Variants in CDH20 observed in about 807,000 individuals in gnomAD.
CDH20 encodes cadherin-20.
Under a neutral mutation model 74.2 loss-of-function variants are expected in CDH20, and 29 were observed. The ratio of observed to expected loss-of-function variants is 0.39; its 90% CI spans 0.29 to 0.53. The LOEUF is 0.53. Ranked by LOEUF, CDH20 falls within the 20% of genes least tolerant of loss-of-function variation. The pLI, the probability that CDH20 is intolerant of heterozygous loss-of-function variation, is 0.69. For synonymous variants in CDH20, 469 were observed against 405.4 expected (o/e 1.16, Z -1.88); for missense variants, 988 against 1,048.3 (o/e 0.94, Z 0.79).
rs1285306792 is a variant in CDH20 at position 61,490,586 on chromosome 18, G to A, written c.33G>A (p.Lys11=). The change falls in exon 2 of 12, where the codon AAG becomes AAA. Residue 11 remains lysine, a synonymous_variant. Coordinates refer to ENST00000262717, the MANE Select transcript of CDH20 (RefSeq NM_031891.4). The part of the protein sequence containing the change: MWTSGRMSNA[K]NWLGLGMSLY... ...CTTCTGGTAGAATGAGCAATGCAAAGAACTGGCTTGGACTTGGCATGTCCT... is the reference window on the plus strand; with the variant it reads ...CTTCTGGTAGAATGAGCAATGCAAAAAACTGGCTTGGACTTGGCATGTCCT... The A allele has an allele frequency of 4.3e-6, 7 of 1,614,020 alleles. No homozygotes were observed. Among genetic ancestry groups the A allele is most frequent in the Non-Finnish European group, 5.9e-6 (7 of 1,180,020 alleles).
At chr18:61,341,662 T>G (rs1408700574) in intron 1 of CDH20, among the ~76,000 whole-genome samples, 1 of 152,234 alleles carries the variant, frequency 6.6e-6, no homozygotes, top group African/African-American at 2.4e-5. Flanking sequence ...CTTGAGAGCA[T>G]GTGTCTTGTA....
intron 1 of CDH20, among the ~76,000 whole-genome samples, chr18:61,361,747 A>T (rs1054474932): frequency 2.0e-5 from 3 of 151,950 alleles, no homozygotes; most frequent in Admixed American, 6.6e-5. Flanking sequence ...CTTATTTAAA[A>T]TTTTTTTTCA....
At chr18:61,443,983 G>A (rs746095063) in intron 1 of CDH20, among the ~76,000 whole-genome samples, 161 of 152,052 alleles carry the variant, frequency 1.1e-3, no homozygotes, top group Admixed American at 1.6e-3. Context: ...GCACAGTGTC[G>A]GCAGGAAGTC....
chr18:61,456,716 T>A (rs1909582629), intron 1 of CDH20, among the ~76,000 whole-genome samples: 1 of 152,042 alleles, frequency 6.6e-6, no homozygotes, highest in African/African-American at 2.4e-5. Flanking sequence ...CAGTTCAGGC[T>A]TCTAACAGAA....
chr18:61,439,917 A>G (rs929097844), intron 1 of CDH20, among the ~76,000 whole-genome samples: 17 of 152,198 alleles, frequency 1.1e-4, no homozygotes, highest in Admixed American at 1.3e-4. Flanking sequence ...GGAAAACAAT[A>G]TACTACATTC....
rs537483843 is a variant in CDH20, at chr18:61,461,346, AAAC to A, written c.-152-29055_-152-29053del. 4.0e-3 allele frequency among the ~76,000 whole-genome samples: 591 copies of A among 148,152 alleles called. 5 individuals carry two copies. Among genetic ancestry groups the A allele is most frequent in the African/African-American group, 0.015 (564 of 38,600 alleles). ...GGTGACTTAAAAAAAAAAAAAAAAA[AAAC>A]CAGAAATTTATTTTCTCAGTTCTGG... On this transcript the variant is annotated intron_variant, in intron 1 of 11. Coordinates refer to ENST00000262717, the MANE Select transcript of CDH20 (RefSeq NM_031891.4).
At chr18:61,418,908 A>G (rs1448444665) in intron 1 of CDH20, among the ~76,000 whole-genome samples, 1 of 152,152 alleles carries the variant, frequency 6.6e-6, no homozygotes, top group Non-Finnish European at 1.5e-5. Flanking sequence ...TTTTTCCATA[A>G]ACCATAATAC....
At chr18:61,396,628 T>C (rs1599057512) in intron 1 of CDH20, among the ~76,000 whole-genome samples, 1 of 152,346 alleles carries the variant, frequency 6.6e-6, no homozygotes, top group East Asian at 1.9e-4. Context: ...AGGATGTGGA[T>C]ACACGCTGCA....
chr18:61,439,639 G>C (rs1467474179), intron 1 of CDH20, among the ~76,000 whole-genome samples: 1 of 152,024 alleles, frequency 6.6e-6, no homozygotes, highest in Non-Finnish European at 1.5e-5. Context: ...TTTATAATTA[G>C]AGTGCATATT....
In CDH20 at chr18:61,490,485, A is replaced by T. The variant is rs575454805; in HGVS notation, c.-69A>T. The T allele has an allele frequency of 5.3e-6, 8 of 1,507,528 alleles. No homozygotes were observed. In the East Asian group the frequency reaches 9.1e-5, roughly 17 times the overall value. The allele number at this position is 1,507,528 out of a possible 1,614,324, so 93.4% of individuals were successfully genotyped here. A position where few individuals can be genotyped will look rare whatever the true frequency, so the allele number is the denominator to read the frequency against. On this transcript the variant is annotated 5_prime_UTR_variant, in exon 2 of 12. Transcript: ENST00000262717. Reference sequence around the variant, plus strand: ...CCAATCAAAAACTGTGTATTTTTTTAAATTTGGAAAATACTCAAGTTCCAG... The same window carrying T: ...CCAATCAAAAACTGTGTATTTTTTTTAATTTGGAAAATACTCAAGTTCCAG...
chr18:61,372,662 A>C lies in CDH20; in HGVS notation c.-153+38835A>C, dbSNP rs1763212305. On this transcript the variant is annotated intron_variant, in intron 1 of 11. Coordinates refer to ENST00000262717, the MANE Select transcript of CDH20 (RefSeq NM_031891.4). ...ATTCTGTGACATTAAAAATTCTATAAAATTCAATTTCAGGTTCTGTAAATA... is the reference window on the plus strand; with the variant it reads ...ATTCTGTGACATTAAAAATTCTATACAATTCAATTTCAGGTTCTGTAAATA... Among the ~76,000 whole-genome samples, 4 of 152,112 alleles carry C rather than the reference A, an allele frequency of 2.6e-5. No individual in the cohort carries two copies. In the South Asian group the frequency reaches 8.3e-4, roughly 32 times the overall value.
At chr18:61,442,098 G>A (rs977830865) in intron 1 of CDH20, among the ~76,000 whole-genome samples, 2 of 152,112 alleles carry the variant, frequency 1.3e-5, no homozygotes, top group Non-Finnish European at 2.9e-5. Flanking sequence ...GGTGGCTCAT[G>A]CCTTTAATCC....
chr18:61,420,490 C>G (rs1912838063), intron 1 of CDH20, among the ~76,000 whole-genome samples: 1 of 152,006 alleles, frequency 6.6e-6, no homozygotes, highest in Admixed American at 6.6e-5. Flanking sequence ...TTCAGCTCTA[C>G]TTCATGCGTG....
rs192921304 is a variant in CDH20, at chr18:61,471,479, A to G, written c.-152-18923A>G. On this transcript the variant is annotated intron_variant, in intron 1 of 11. Transcript: ENST00000262717. ...AAGTTAATTTTAAAATCTGTTATCA[A>G]TTGCTTCTCTTTAGTCATAATGGAA... Among the ~76,000 whole-genome samples the G allele has an allele frequency of 2.7e-3, 414 of 152,338 alleles. 2 individuals are homozygous for G. Among genetic ancestry groups the G allele is most frequent in the African/African-American group, 9.6e-3 (398 of 41,588 alleles).
chr18:61,523,737 C>A (rs1912292614), intron 6 of CDH20, among the ~76,000 whole-genome samples: 1 of 152,072 alleles, frequency 6.6e-6, no homozygotes, highest in Non-Finnish European at 1.5e-5. Flanking sequence ...TACTATGCAG[C>A]CATAAAAAAG....
chr18:61,489,736 AT>A (rs1910889242), intron 1 of CDH20, among the ~76,000 whole-genome samples: 1 of 152,116 alleles, frequency 6.6e-6, no homozygotes, highest in Admixed American at 6.6e-5. Flanking sequence ...TCAACTGACC[AT>A]TTAAATCCTG....
intron 2 of CDH20, among the ~76,000 whole-genome samples, chr18:61,492,222 A>G (rs1189332619): frequency 6.6e-6 from 1 of 151,704 alleles, no homozygotes; most frequent in African/African-American, 2.4e-5. Flanking sequence ...AGAACTGGGG[A>G]TCATTCCTCC....
chr18:61,503,086 A>G lies in CDH20; in HGVS notation c.795A>G (p.Ser265=). 6.2e-7 allele frequency: 1 copy of G among 1,612,984 alleles called. No individual in the cohort carries two copies. Among genetic ancestry groups the G allele is most frequent in the East Asian group, 2.2e-5 (1 of 44,844 alleles). ...CCACAACAGTCAACATCACCCTCTC[A>G]GATGTCAATGATAACCCACCCCGCT... ...AGTTTVNITL[S]DVNDNPPRFP... Residue 265 remains serine (S), a synonymous_variant, in exon 5 of 12, where the codon TCA becomes TCG. Transcript: ENST00000262717.
At position 61,544,520 on chromosome 18, in the gene CDH20, C is replaced by A. The variant is rs189275002; in HGVS notation, c.1531-507C>A. On this transcript the variant is annotated intron_variant, in intron 9 of 11. Transcript: ENST00000262717. ...GTTCTTAGTTAAATGGATGGGAAGC[C>A]AGAAGCGGGGGATGGAGTGGGAAGG... is the stretch of plus-strand genomic sequence containing the variant. Among the ~76,000 whole-genome samples the A allele has an allele frequency of 9.2e-5, 14 of 152,298 alleles. No homozygotes were observed. The East Asian group carries it at 2.7e-3, about 29-fold the overall frequency.
Sources: gnomAD v4.1 joint callset for allele counts (sites outside exome capture counted in the v4.1 genomes callset) on GRCh38, gnomAD v4.1.1 for gene constraint, MANE v1.5 for transcripts, NCBI Gene and HGNC (gene_info 2026-07-23, HGNC 2026-07-21) for gene names.